NPIPB11: variants seen among roughly 807,000 people sequenced by gnomAD.
NPIPB11 encodes nuclear pore complex-interacting protein family member B11.
NPIPB11 carries 17 observed loss-of-function variants against 32.8 expected under a neutral mutation model. The observed-to-expected ratio is 0.52, with a 90% CI of 0.35 to 0.78. NPIPB11 has a LOEUF of 0.78. Ranked by LOEUF, NPIPB11 falls within the 30% of genes least tolerant of loss-of-function variation. NPIPB11 has a pLI of 0.01. For missense variants in NPIPB11, 537 were observed against 1,000.4 expected, an observed-to-expected ratio of 0.54 and a Z score of 6.25; for synonymous variants, 209 against 398.4, an observed-to-expected ratio of 0.52 and a Z score of 5.66.
At chr16:29,383,239 G>A (rs770756038) in exon 8 of NPIPB11, 1 of 1,563,592 alleles carries the variant, frequency 6.4e-7, no homozygotes, top group Admixed American at 1.7e-5. Flanking sequence ...AGGGGAGTGA[G>A]CTGACGCTCG....
chr16:29,390,450 C>G, intron 3 of NPIPB11, 102 bp from the exon 4 acceptor site: 1 of 1,564,296 alleles, frequency 6.4e-7, no homozygotes, highest in East Asian at 2.2e-5. Flanking sequence ...GGGTCAGGAG[C>G]AAGACCAGCC....
At chr16:29,392,053 G>T (rs1963735603) in intron 3 of NPIPB11, among the ~76,000 whole-genome samples, 1 of 151,828 alleles carries the variant, frequency 6.6e-6, no homozygotes, top group Admixed American at 6.6e-5. Flanking sequence ...TGTAGAATTT[G>T]TTTTTTCCTG....
chr16:29,391,745 T>C (rs1210296708), intron 3 of NPIPB11, among the ~76,000 whole-genome samples: 3 of 152,144 alleles, frequency 2.0e-5, no homozygotes, highest in Non-Finnish European at 2.9e-5. Flanking sequence ...TTTCTTGAGA[T>C]GGAGTGTCAC....
intron 2 of NPIPB11, among the ~76,000 whole-genome samples, chr16:29,402,538 C>A (rs1386931126): frequency 1.5e-5 from 1 of 65,072 alleles, no homozygotes; most frequent in South Asian, 5.9e-4. Context: ...CCCATCTCTA[C>A]TAAGAATACA....
At chr16:29,401,298 T>G (rs1963985779) in intron 2 of NPIPB11, among the ~76,000 whole-genome samples, 1 of 152,150 alleles carries the variant, frequency 6.6e-6, no homozygotes, top group Admixed American at 6.5e-5. Context: ...AGATCAACTC[T>G]CTCAATGTTC....
At chr16:29,382,269 G>T (rs546960963) in exon 8 of NPIPB11, 1 of 1,603,866 alleles carries the variant, frequency 6.2e-7, no homozygotes, top group Non-Finnish European at 8.5e-7. Context: ...GGGTGGAAGC[G>T]GAACCCACAG....
chr16:29,397,647 T>G (rs1963891665), intron 2 of NPIPB11: 2 of 1,407,736 alleles, frequency 1.4e-6, no homozygotes, highest in Admixed American at 2.0e-5. Flanking sequence ...CCGCATGTCC[T>G]GGTCCTTTCA....
At chr16:29,405,658 C>T (rs556167895), upstream of NPIPB11, among the ~76,000 whole-genome samples, 15 of 152,246 alleles carry the variant, frequency 9.9e-5, no homozygotes, top group Non-Finnish European at 1.9e-4. Flanking sequence ...CCGTCTCATT[C>T]TAAAGGCCAT....
chr16:29,391,985 T>G (rs911282243), intron 3 of NPIPB11, among the ~76,000 whole-genome samples: 4 of 152,028 alleles, frequency 2.6e-5, no homozygotes, highest in Non-Finnish European at 5.9e-5. Flanking sequence ...CCTCCCAAAG[T>G]GCTGGGATTA....
At chr16:29,389,248 C>T (rs983423840) in intron 5 of NPIPB11, among the ~76,000 whole-genome samples, 3 of 149,074 alleles carry the variant, frequency 2.0e-5, no homozygotes, top group African/African-American at 4.9e-5. Context: ...AGCTGTAATC[C>T]AAGCTACTCG....
In NPIPB11 at chr16:29,387,447, G is replaced by C. The variant is rs975027066; in HGVS notation, c.546-1592C>G. Among the ~76,000 whole-genome samples the C allele has an allele frequency of 3.3e-5, 5 of 149,746 alleles. 1 individual carries two copies. Among genetic ancestry groups the C allele is most frequent in the Admixed American group, 3.3e-4 (5 of 15,044 alleles). On this transcript the variant is annotated intron_variant, in intron 5 of 7. Coordinates refer to ENST00000524087, the Ensembl canonical transcript of NPIPB11. ...GATTCTCAGTCAGAGGCTGATGCCA[G>C]AACTGAGACCATCAGCCATAGAGAG...
chr16:29,389,210 A>C (rs1183141468), intron 5 of NPIPB11, among the ~76,000 whole-genome samples: 5 of 111,898 alleles, frequency 4.5e-5, no homozygotes, highest in Non-Finnish European at 1.0e-4. Context: ...AAAAAAAAAA[A>C]AAAAATTGGT....
At chr16:29,403,090 T>G (rs1186813163) in intron 2 of NPIPB11, among the ~76,000 whole-genome samples, 1 of 147,208 alleles carries the variant, frequency 6.8e-6, no homozygotes, top group East Asian at 2.0e-4. Flanking sequence ...TTTTTTTTTT[T>G]TTTTTTTGAC....
At chr16:29,391,935 G>T (rs1353662158) in intron 3 of NPIPB11, among the ~76,000 whole-genome samples, 1 of 151,884 alleles carries the variant, frequency 6.6e-6, no homozygotes, top group East Asian at 1.9e-4. Context: ...TGGCCCATCT[G>T]GTCTTGAACT....
At chr16:29,390,898 G>A (rs572317715) in intron 3 of NPIPB11, among the ~76,000 whole-genome samples, 1 of 148,184 alleles carries the variant, frequency 6.7e-6, no homozygotes, top group Non-Finnish European at 1.5e-5. Flanking sequence ...AGCAGGAAAA[G>A]GTTGTGGTGA....
At chr16:29,389,371 A>T (rs1225937809) in intron 5 of NPIPB11, among the ~76,000 whole-genome samples, 11 of 47,712 alleles carry the variant, frequency 2.3e-4, no homozygotes, top group South Asian at 1.1e-3. Flanking sequence ...CAAAATTAAA[A>T]AAAAAAAAAA....
chr16:29,402,726 G>A (rs142894007), intron 2 of NPIPB11, among the ~76,000 whole-genome samples: 52 of 103,362 alleles, frequency 5.0e-4, no homozygotes, highest in Admixed American at 1.3e-3. Context: ...CTCTCTCTCT[G>A]TGTGTGTGTG....
At chr16:29,394,163 C>T in intron 2 of NPIPB11, 87 bp from the exon 3 acceptor site, 2 of 1,446,760 alleles carry the variant, frequency 1.4e-6, no homozygotes, top group Admixed American at 1.9e-5. Flanking sequence ...AAACCGTCAA[C>T]CTCCTCCAAA....
intron 5 of NPIPB11, among the ~76,000 whole-genome samples, chr16:29,389,181 T>G (rs1963644271): frequency 5.2e-5 from 6 of 116,052 alleles, no homozygotes; most frequent in African/African-American, 1.4e-4. Context: ...GGTGACAGAG[T>G]GAGACTCTGT....
Sources: allele counts gnomAD v4.1 joint callset (sites outside exome capture counted in the v4.1 genomes callset), GRCh38; gene constraint gnomAD v4.1.1; transcripts MANE v1.5; gene names NCBI Gene and HGNC (gene_info 2026-07-23, HGNC 2026-07-21).